Variants in APC2 observed in about 807,000 individuals in gnomAD.
The protein encoded by APC2 is adenomatous polyposis coli protein 2.
Under a neutral mutation model 72.5 loss-of-function variants are expected in APC2, and 41 were observed. The observed-to-expected ratio is 0.57, with a 90% CI of 0.44 to 0.73. The LOEUF is 0.73. APC2 is among the 30% of genes least tolerant of loss of function. The probability of loss-of-function intolerance (pLI) is 0.00; values close to 1 mark genes in which losing one functional copy is unlikely to be tolerated. For synonymous variants in APC2, 1,898 were observed against 1,612.0 expected (o/e 1.18, Z -4.25); for missense variants, 3,729 against 3,403.4 (o/e 1.10, Z -2.38).
At chr19:1,464,936 C>CTT (rs78166202) in intron 14 of APC2, among the ~76,000 whole-genome samples, 6,053 of 142,710 alleles carry the variant, frequency 0.042, 142 homozygotes, top group Middle Eastern at 0.09. Context: ...CCCGGCCTAC[C>CTT]TTTTTTTTTT....
At chr19:1,460,995 C>G in intron 12 of APC2, 42 bp from the exon 13 acceptor site, 1 of 1,609,128 alleles carries the variant, frequency 6.2e-7, no homozygotes, top group South Asian at 1.1e-5. Flanking sequence ...TTTGGGGGGC[C>G]TGGACCCTAG....
chr19:1,465,073 C>A, intron 14 of APC2, 82 bp from the exon 15 acceptor site: 1 of 1,481,560 alleles, frequency 6.7e-7, no homozygotes, highest in Non-Finnish European at 9.1e-7. Context: ...TTTACTTTTA[C>A]CTGCCACATC....
rs1482785970 is a variant in APC2 at position 1,467,797 on chromosome 19, C to T, written c.4496C>T (p.Thr1499Met). 3 of 1,452,916 alleles carry T rather than the reference C, an allele frequency of 2.1e-6. No homozygotes were observed. Among genetic ancestry groups the T allele is most frequent in the African/African-American group, 1.5e-5 (1 of 68,168 alleles). 90.0% of individuals were successfully genotyped at this position (1,452,916 alleles called of 1,614,324 possible). ...GGGGCGCTCCAGTCGCTGTGCCTCA[C>T]GACGCCCACTGAGGAGGCCGTGTAC... ...GDGALQSLCL[T>M]TPTEEAVYCF... The change falls in exon 15 of 15, where the codon ACG (threonine) becomes ATG (methionine). Residue 1499 changes from threonine (T) to methionine (M), a missense_variant. Transcript: ENST00000590469.
chr19:1,456,530 G>A lies in APC2; in HGVS notation c.816+126G>A, dbSNP rs1248376498. The A allele has an allele frequency of 4.7e-6, 5 of 1,054,316 alleles. No homozygotes were observed. In the South Asian group the frequency reaches 8.1e-5, roughly 17 times the overall value. 65.3% of individuals were successfully genotyped at this position (1,054,316 alleles called of 1,614,324 possible). ...CCAGCACCCCCTCGGGTGTAGGAAGGCCCCTCTGGCGTGCAGCTCATGCAG... is the reference window on the plus strand; with the variant it reads ...CCAGCACCCCCTCGGGTGTAGGAAGACCCCTCTGGCGTGCAGCTCATGCAG... On this transcript the variant is annotated intron_variant, in intron 8 of 14. Coordinates refer to ENST00000590469, the MANE Select transcript of APC2 (RefSeq NM_005883.3).
intron 14 of APC2, 93 bp from the exon 15 acceptor site, chr19:1,465,062 G>A (rs1469197808): frequency 2.4e-5 from 34 of 1,422,976 alleles, no homozygotes; most frequent in African/African-American, 1.0e-4. Flanking sequence ...AACCAGATGC[G>A]TTTACTTTTA....
In APC2 at chr19:1,467,303, C is replaced by T. The variant is rs2084035689; in HGVS notation, c.4002C>T (p.Gly1334=). The change falls in exon 15 of 15, where the codon GGC becomes GGT. Residue 1334 remains glycine, a synonymous_variant. Transcript: ENST00000590469. ...CGCCCACGGGTTCTCGCCCTCGCGG[C>T]GCCGCGGACCAGGAGCTGGAACTGC... is the stretch of plus-strand genomic sequence containing the variant. ...GPAPTGSRPR[G]AADQELELLR... is the part of the protein sequence containing the mutation. 2 of 1,325,552 alleles carry T rather than the reference C, an allele frequency of 1.5e-6. No homozygotes were observed. The highest frequency in any genetic ancestry group is 2.0e-5 in the South Asian group (1 of 49,274). The allele number at this position is 1,325,552 out of a possible 1,614,324, so 82.1% of individuals were successfully genotyped here.
At position 1,452,443 on chromosome 19, in the gene APC2, T is replaced by G. The variant is rs56363526; in HGVS notation, c.-18-541T>G. 0.031 allele frequency: 5,083 copies of G among 161,560 alleles called. 276 individuals carry two copies. The highest frequency in any genetic ancestry group is 0.12 in the African/African-American group (4,794 of 41,582). The allele number at this position is 161,560 out of a possible 1,614,324, so 10.0% of individuals were successfully genotyped here. A position where few individuals can be genotyped will look rare whatever the true frequency, so the allele number is the denominator to read the frequency against. On this transcript the variant is annotated intron_variant, in intron 1 of 14. Transcript: ENST00000590469. This position sits in a 1 kb window ranked among gnomAD's most constrained non-coding sequence, Gnocchi z 5.1. ...AGGTGTCACCCACTGGCCTTCGTGG[T>G]GTTTTCATTGTCCATCGGCAGGGAC...
chr19:1,456,337 A>G lies in APC2; in HGVS notation c.749A>G (p.Asp250Gly), dbSNP rs1451167847. The change falls in exon 8 of 15, where the codon GAC (aspartate) becomes GGC (glycine). Residue 250 changes from aspartate to glycine, a missense_variant. Asp to Gly is a moderately conservative substitution (Grantham distance 94). Coordinates refer to ENST00000590469, the MANE Select transcript of APC2 (RefSeq NM_005883.3). ...CTGGCGGTGAAGTCGGTGCCGGTGGACGAGGACCCCGAGACAGAGGTCCCC... is the reference window on the plus strand; with the variant it reads ...CTGGCGGTGAAGTCGGTGCCGGTGGGCGAGGACCCCGAGACAGAGGTCCCC... ...ALLAVKSVPV[D>G]EDPETEVPTH... 3 of 1,608,974 alleles carry G rather than the reference A, an allele frequency of 1.9e-6. No individual in the cohort carries two copies. Among genetic ancestry groups the G allele is most frequent in the Non-Finnish European group, 2.5e-6 (3 of 1,178,650 alleles).
Position 1,467,587 on chromosome 19 carries a change from C to T in APC2, c.4286C>T (p.Thr1429Ile). Residue 1429 changes from threonine to isoleucine, a missense_variant, in exon 15 of 15, where the codon ACC becomes ATC. Thr to Ile is a moderately conservative substitution (Grantham distance 89). Transcript: ENST00000590469. ...PGGPAGRQRP[T>I]GRPTSARQAM... ...GGACCAGCGGGCAGGCAAAGACCCA[C>T]CGGCCGCCCCACCTCTGCCAGACAG... is the stretch of plus-strand genomic sequence containing the variant. 3 of 1,512,930 alleles carry T rather than the reference C, an allele frequency of 2.0e-6. No homozygotes were observed. Among genetic ancestry groups the T allele is most frequent in the Admixed American group, 2.0e-5 (1 of 48,992 alleles). 93.7% of individuals were successfully genotyped at this position (1,512,930 alleles called of 1,614,324 possible).
rs999261833 is a variant in APC2, at chr19:1,472,261, C to T, written c.*2048C>T. The T allele has an allele frequency of 1.3e-5, 2 of 152,430 alleles. No homozygotes were observed. Among genetic ancestry groups the T allele is most frequent in the Non-Finnish European group, 1.5e-5 (1 of 68,192 alleles). 9.4% of individuals were successfully genotyped at this position (152,430 alleles called of 1,614,324 possible). A position where few individuals can be genotyped will look rare whatever the true frequency, so the allele number is the denominator to read the frequency against. On this transcript the variant is annotated 3_prime_UTR_variant, in exon 15 of 15. Transcript: ENST00000590469. ...TGCCAAACACGTGCTCACCCTCACA[C>T]TCGCCCCGGCCCGCTGCGCCCCTAA...
intron 13 of APC2, 121 bp from the exon 14 acceptor site, chr19:1,461,842 A>ATTCC (rs2145216270): frequency 1.2e-6 from 1 of 804,810 alleles, no homozygotes; most frequent in South Asian, 1.9e-5. Flanking sequence ...AGAGAGTGAG[A>ATTCC]TTCCGTCTCA....
chr19:1,465,201 C>G lies in APC2; in HGVS notation c.1900C>G (p.Leu634Val), dbSNP rs775985408. 3 of 1,609,326 alleles carry G rather than the reference C, an allele frequency of 1.9e-6. No homozygotes were observed. Among genetic ancestry groups the G allele is most frequent in the Non-Finnish European group, 2.5e-6 (3 of 1,178,730 alleles). ...HNCLQTLLQH[L>V]TSHSLTIVSN... ...CTGTCTGCAGACGCTGCTGCAGCAT[C>G]TGACTTCGCACAGCCTGACCATCGT... Residue 634 changes from leucine (L) to valine (V), a missense_variant, in exon 15 of 15, where the codon CTG (leucine) becomes GTG (valine). By Grantham distance (32) the Leu-to-Val change is conservative (BLOSUM62 1). Coordinates refer to ENST00000590469, the MANE Select transcript of APC2 (RefSeq NM_005883.3).
chr19:1,450,320 C>T lies in APC2; in HGVS notation c.-37C>T. The T allele has an allele frequency of 2.0e-6, 2 of 985,512 alleles. No homozygotes were observed. The highest frequency in any genetic ancestry group is 2.4e-6 in the Non-Finnish European group (2 of 829,964). 61.0% of individuals were successfully genotyped at this position (985,512 alleles called of 1,614,324 possible). ...GCCCCAGACCCAGGCGCCCCGCCAG[C>T]CCAGCTGCACGTAAGCGGGTGTGTG... On this transcript the variant is annotated 5_prime_UTR_variant, in exon 1 of 15. Transcript: ENST00000590469.
Position 1,470,040 on chromosome 19 carries a change from G to C in APC2, c.6739G>C (p.Glu2247Gln). ...KAPISAPFVH[E>Q]GLGVAVGGFP... is the part of the protein sequence containing the mutation. ...TCCCATCTCCGCACCCTTCGTGCAC[G>C]AGGGCCTGGGGGTCGCCGTGGGGGG... Residue 2247 changes from glutamate to glutamine, a missense_variant, in exon 15 of 15, where the codon GAG becomes CAG. By Grantham distance (29) the Glu-to-Gln change is conservative. Transcript: ENST00000590469. The C allele has an allele frequency of 1.3e-6, 2 of 1,570,640 alleles. No homozygotes were observed. The highest frequency in any genetic ancestry group is 1.7e-6 in the Non-Finnish European group (2 of 1,163,640).
chr19:1,465,711 C>T lies in APC2; in HGVS notation c.2410C>T (p.Leu804Phe), dbSNP rs754513813. ...GEPASPAALS[L>F]FLGSPFLQGQ... is the part of the protein sequence containing the mutation. Reference sequence around the variant, plus strand: ...GCCAGCCAGCCCTGCCGCGCTGTCCCTCTTCCTGGGCAGCCCCTTCCTGCA... The same window carrying T: ...GCCAGCCAGCCCTGCCGCGCTGTCCTTCTTCCTGGGCAGCCCCTTCCTGCA... Residue 804 changes from leucine (L) to phenylalanine (F), a missense_variant, in exon 15 of 15, where the codon CTC becomes TTC. Transcript: ENST00000590469. The T allele has an allele frequency of 6.4e-7, 1 of 1,574,384 alleles. No homozygotes were observed. Among genetic ancestry groups the T allele is most frequent in the South Asian group, 1.2e-5 (1 of 86,660 alleles).
Position 1,467,923 on chromosome 19 carries a change from G to A in APC2, c.4622G>A (p.Arg1541His), listed in dbSNP as rs372771230. The A allele has an allele frequency of 4.4e-6, 7 of 1,584,870 alleles. No homozygotes were observed. The African/African-American group carries it at 5.5e-5, about 12-fold the overall frequency. Residue 1541 changes from arginine to histidine, a missense_variant, in exon 15 of 15, where the codon CGT becomes CAT. Arg to His is a conservative substitution (Grantham distance 29, BLOSUM62 0). Transcript: ENST00000590469. ...SAIPRAFTRE[R>H]PQGRKEAPAP... is the part of the protein sequence containing the mutation. Reference sequence around the variant, plus strand: ...ATCCCTCGCGCTTTTACGCGGGAGCGTCCGCAGGGCCGGAAGGAGGCCCCT... The same window carrying A: ...ATCCCTCGCGCTTTTACGCGGGAGCATCCGCAGGGCCGGAAGGAGGCCCCT...
chr19:1,464,660 T>TTCTTGGTC (rs2083977434), intron 14 of APC2, among the ~76,000 whole-genome samples: 1 of 137,200 alleles, frequency 7.3e-6, no homozygotes, highest in African/African-American at 3.1e-5. Context: ...TTGAGATGGA[T>TTCTTGGTC]TCTTGGTCTC....
upstream of APC2, chr19:1,450,022 C>A: frequency 1.4e-6 from 1 of 721,158 alleles, no homozygotes; most frequent in African/African-American, 1.9e-5. Context: ...CGGTCCCCGC[C>A]CCGGGCCGCC....
In APC2 at chr19:1,465,451, G is replaced by T; in HGVS notation, c.2150G>T (p.Ser717Ile). 6.5e-7 allele frequency: 1 copy of T among 1,536,082 alleles called. No homozygotes were observed. Among genetic ancestry groups the T allele is most frequent in the East Asian group, 2.4e-5 (1 of 40,856 alleles). ...TAVSPGSCVP[S>I]LYVRKQRALE... Reference sequence around the variant, plus strand: ...GTGTCCCCAGGCAGCTGCGTGCCCAGCCTGTACGTGCGCAAGCAGCGGGCG... The same window carrying T: ...GTGTCCCCAGGCAGCTGCGTGCCCATCCTGTACGTGCGCAAGCAGCGGGCG... Residue 717 changes from serine (S) to isoleucine (I), a missense_variant, in exon 15 of 15, where the codon AGC becomes ATC. Physicochemically the swap from Ser to Ile is moderately radical, Grantham distance 142. Transcript: ENST00000590469.
Sources: gnomAD v4.1 joint callset for allele counts (sites outside exome capture counted in the v4.1 genomes callset) on GRCh38, gnomAD v4.1.1 for gene constraint, Gnocchi (gnomAD v3.1) non-coding constraint, MANE v1.5 for transcripts, NCBI Gene and HGNC (gene_info 2026-07-23, HGNC 2026-07-21) for gene names.